The following NDST1 variants were observed in gnomAD, a reference collection of about 807,000 sequenced individuals.
NDST1 encodes the protein N-deacetylase and N-sulfotransferase 1.
In NDST1, 35 loss-of-function variants were observed where a neutral mutation model predicts 92.8. The observed-to-expected ratio is 0.38, with a 90% CI of 0.29 to 0.50. The LOEUF is 0.50. NDST1 is among the 20% of genes least tolerant of loss of function. NDST1 has a pLI of 0.94. For synonymous variants in NDST1, 493 were observed against 500.3 expected, an observed-to-expected ratio of 0.99 and a Z score of 0.19; for missense variants, 822 against 1,182.7, an observed-to-expected ratio of 0.69 and a Z score of 4.47.
At chr5:150,516,603 A>G (rs1753977165) in intron 1 of NDST1, among the ~76,000 whole-genome samples, 1 of 152,230 alleles carries the variant, frequency 6.6e-6, no homozygotes, top group South Asian at 2.1e-4. Flanking sequence ...AGTAGGGTCC[A>G]TCAATCTAGG....
intron 1 of NDST1, among the ~76,000 whole-genome samples, chr5:150,512,934 G>A (rs539743796): frequency 3.3e-5 from 5 of 152,320 alleles, no homozygotes; most frequent in African/African-American, 9.6e-5. Context: ...CACTGCACCC[G>A]GGAATTACCT....
Position 150,523,151 on chromosome 5 carries a change from A to C in NDST1, c.513+1384A>C, listed in dbSNP as rs369892067. 2.8e-3 allele frequency among the ~76,000 whole-genome samples: 430 copies of C among 152,374 alleles called. 9 individuals carry two copies. The South Asian group carries it at 0.042, about 15-fold the overall frequency. ...ATTTGAAGGCCCTTAGAAGTCCTGC[A>C]GTAGAGCAACCAGTGAGATTTGTTC... On this transcript the variant is annotated intron_variant, in intron 2 of 14. Coordinates refer to ENST00000261797, the MANE Select transcript of NDST1 (RefSeq NM_001543.5).
rs1754238730 is a variant in NDST1, at chr5:150,521,537, C to A, written c.283C>A (p.Gln95Lys). Residue 95 changes from glutamine (Q) to lysine (K), a missense_variant, in exon 2 of 15, where the codon CAA becomes AAA. Transcript: ENST00000261797. This position sits in a 1 kb window ranked among gnomAD's most constrained non-coding sequence, Gnocchi z 5.9. ...VLVFVESLYS[Q>K]LGQEVVAILE... The stretch of plus-strand genomic sequence containing the variant: ...GGTCTTTGTGGAGAGCCTCTACTCG[C>A]AACTGGGCCAGGAGGTGGTGGCCAT... The A allele has an allele frequency of 6.2e-7, 1 of 1,613,886 alleles. No individual in the cohort carries two copies. The highest frequency in any genetic ancestry group is 8.5e-7 in the Non-Finnish European group (1 of 1,180,038).
intron 2 of NDST1, among the ~76,000 whole-genome samples, chr5:150,525,549 C>T (rs756706311): frequency 7.2e-5 from 11 of 152,258 alleles, no homozygotes; most frequent in South Asian, 4.1e-4. Context: ...CTGGTCTGTG[C>T]GCTGGGCCTC....
At position 150,521,898 on chromosome 5, in the gene NDST1, G is replaced by A. The variant is rs1478989107; in HGVS notation, c.513+131G>A. On this transcript the variant is annotated intron_variant, in intron 2 of 14. Coordinates refer to ENST00000261797, the MANE Select transcript of NDST1 (RefSeq NM_001543.5). The surrounding 1 kb of genome is among the most constrained non-coding windows in gnomAD (Gnocchi z 5.9). ...GTTGTTGGGAGGGTTAAATGAGTGA[G>A]TATATGTAAAGCACTGGGAGCATGC... 3 of 1,215,552 alleles carry A rather than the reference G, an allele frequency of 2.5e-6. No homozygotes were observed. The highest frequency in any genetic ancestry group is 3.0e-5 in the African/African-American group (2 of 67,032). The allele number at this position is 1,215,552 out of a possible 1,614,324, so 75.3% of individuals were successfully genotyped here. A position where few individuals can be genotyped will look rare whatever the true frequency, so the allele number is the denominator to read the frequency against.
At position 150,557,751 on chromosome 5, in the gene NDST1, G is replaced by A. The variant is rs935351318; in HGVS notation, c.*4419G>A. The A allele has an allele frequency of 3.9e-5, 6 of 152,704 alleles. No individual in the cohort carries two copies. Among genetic ancestry groups the A allele is most frequent in the Admixed American group, 2.0e-4 (3 of 15,300 alleles). The allele number at this position is 152,704 out of a possible 1,614,324, so 9.5% of individuals were successfully genotyped here. On this transcript the variant is annotated 3_prime_UTR_variant, in exon 15 of 15. Transcript: ENST00000261797. The surrounding 1 kb of genome is among the most constrained non-coding windows in gnomAD (Gnocchi z 4.7). The stretch of plus-strand genomic sequence containing the variant: ...GCTGGCTGCCCTTGCCAGCTCAGAC[G>A]GCTGGCGAGTTTTCAGCTTCCCTAA...
intron 3 of NDST1, among the ~76,000 whole-genome samples, chr5:150,529,950 G>A (rs554950852): frequency 5.9e-5 from 9 of 152,308 alleles, no homozygotes; most frequent in South Asian, 2.1e-4. Context: ...GATGACATTC[G>A]GGAGCAGGCA....
chr5:150,504,701 A>G (rs1753373015), upstream of NDST1, among the ~76,000 whole-genome samples: 1 of 152,098 alleles, frequency 6.6e-6, no homozygotes, highest in Non-Finnish European at 1.5e-5. Flanking sequence ...ATGATACCCT[A>G]CTTTTCTGAG....
At chr5:150,541,228 A>G (rs1299363836) in intron 8 of NDST1, among the ~76,000 whole-genome samples, 1 of 152,232 alleles carries the variant, frequency 6.6e-6, no homozygotes, top group African/African-American at 2.4e-5. Context: ...CAAACCTAAA[A>G]TATTTACTAA....
chr5:150,505,020 AAG>A (rs1753388063), upstream of NDST1, among the ~76,000 whole-genome samples: 3 of 152,348 alleles, frequency 2.0e-5, no homozygotes, highest in South Asian at 6.2e-4. Flanking sequence ...TTTTCTGAGA[AAG>A]GGGGAAGAAA....
intron 3 of NDST1, among the ~76,000 whole-genome samples, chr5:150,530,890 T>G (rs1283584082): frequency 2.0e-5 from 3 of 152,074 alleles, no homozygotes; most frequent in African/African-American, 7.3e-5. Context: ...GTGAAAGGAA[T>G]GATAGCAGTT....
intron 13 of NDST1, among the ~76,000 whole-genome samples, 169 bp from the exon 14 acceptor site, chr5:150,551,584 T>G (rs1488625413): frequency 6.6e-6 from 1 of 152,200 alleles, no homozygotes; most frequent in Non-Finnish European, 1.5e-5. Flanking sequence ...TAGTGCAGCC[T>G]AGGACACATT....
chr5:150,522,950 G>A (rs549229452), intron 2 of NDST1, among the ~76,000 whole-genome samples: 3 of 152,344 alleles, frequency 2.0e-5, no homozygotes, highest in South Asian at 2.1e-4. Context: ...CAGGAGAGGA[G>A]GAGCGGGAGA....
chr5:150,534,585 C>G (rs1055872396), intron 4 of NDST1, among the ~76,000 whole-genome samples: 13 of 152,302 alleles, frequency 8.5e-5, no homozygotes, highest in African/African-American at 3.1e-4. Context: ...AGAAGAAACC[C>G]TTGAGATCAT....
chr5:150,549,598 C>A, intron 12 of NDST1, 80 bp from the exon 13 acceptor site: 1 of 804,116 alleles, frequency 1.2e-6, no homozygotes, highest in Non-Finnish European at 2.2e-6. Flanking sequence ...TATAAGCAGG[C>A]CCATTCCTGC....
chr5:150,523,637 CAGG>C (rs1754341202), intron 2 of NDST1, among the ~76,000 whole-genome samples: 1 of 152,210 alleles, frequency 6.6e-6, no homozygotes, highest in Non-Finnish European at 1.5e-5. Flanking sequence ...ACCACTTATT[CAGG>C]AGAAGTGACA....
At chr5:150,510,838 G>C (rs1035949454) in intron 1 of NDST1, among the ~76,000 whole-genome samples, 2 of 152,244 alleles carry the variant, frequency 1.3e-5, no homozygotes, top group African/African-American at 4.8e-5. Context: ...AAGATCACTA[G>C]AGGCTGCTTG....
At position 150,539,369 on chromosome 5, in the gene NDST1, C is replaced by T. The variant is rs1755137831; in HGVS notation, c.1566+13C>T. ...GCTCCTCAATCCTGTGAGTGCTCCACAGCCCATGGCTGCTGGTGAGAAGGG... is the reference window on the plus strand; with the variant it reads ...GCTCCTCAATCCTGTGAGTGCTCCATAGCCCATGGCTGCTGGTGAGAAGGG... On this transcript the variant is annotated intron_variant, in intron 7 of 14. Coordinates refer to ENST00000261797, the MANE Select transcript of NDST1 (RefSeq NM_001543.5). 3 of 1,613,742 alleles carry T rather than the reference C, an allele frequency of 1.9e-6. No individual in the cohort carries two copies. The highest frequency in any genetic ancestry group is 1.7e-6 in the Non-Finnish European group (2 of 1,179,900).
chr5:150,553,513 C>A lies in NDST1; in HGVS notation c.*181C>A, dbSNP rs1376863898. The A allele has an allele frequency of 3.7e-6, 3 of 808,708 alleles. No individual in the cohort carries two copies. The highest frequency in any genetic ancestry group is 1.7e-5 in the African/African-American group (1 of 59,350). The allele number at this position is 808,708 out of a possible 1,614,324, so 50.1% of individuals were successfully genotyped here. On this transcript the variant is annotated 3_prime_UTR_variant, in exon 15 of 15. Coordinates refer to ENST00000261797, the MANE Select transcript of NDST1 (RefSeq NM_001543.5). This position sits in a 1 kb window ranked among gnomAD's most constrained non-coding sequence, Gnocchi z 4.2. ...CGGATCTGCAAGCACCTCGGAGCACCCACCGCTGGGTCTGCGGCCTAAGGG... is the reference window on the plus strand; with the variant it reads ...CGGATCTGCAAGCACCTCGGAGCACACACCGCTGGGTCTGCGGCCTAAGGG...
Sources: allele counts gnomAD v4.1 joint callset (sites outside exome capture counted in the v4.1 genomes callset), GRCh38; gene constraint gnomAD v4.1.1; non-coding constraint Gnocchi (gnomAD v3.1); transcripts MANE v1.5; gene names NCBI Gene and HGNC (gene_info 2026-07-23, HGNC 2026-07-21).